ADRA1A: variants seen among roughly 807,000 people sequenced by gnomAD.
The protein encoded by ADRA1A is alpha-1A adrenergic receptor.
A neutral mutation model predicts 29.6 loss-of-function variants in ADRA1A; 31 were observed. The ratio of observed to expected loss-of-function variants is 1.05; its 90% CI spans 0.79 to 1.41. The LOEUF is 1.41. Among genes scored for constraint, ADRA1A ranks in the 40% most tolerant of loss-of-function variants. The probability of loss-of-function intolerance (pLI) is 0.00; values close to 1 mark genes in which losing one functional copy is unlikely to be tolerated. For synonymous variants in ADRA1A, 311 were observed against 254.3 expected, an observed-to-expected ratio of 1.22 and a Z score of -2.12; for missense variants, 619 against 601.1, an observed-to-expected ratio of 1.03 and a Z score of -0.31.
At chr8:26,820,829 G>A (rs1810113939) in intron 2 of ADRA1A, among the ~76,000 whole-genome samples, 1 of 152,174 alleles carries the variant, frequency 6.6e-6, no homozygotes, top group Non-Finnish European at 1.5e-5. Context: ...ATATATGGTT[G>A]TAAGAAATAA....
chr8:26,858,081 C>T (rs748371319), intron 2 of ADRA1A, among the ~76,000 whole-genome samples: 6 of 152,234 alleles, frequency 3.9e-5, no homozygotes, highest in Non-Finnish European at 8.8e-5. Context: ...CCTCAAACAT[C>T]CAATCTTAAA....
intron 2 of ADRA1A, among the ~76,000 whole-genome samples, chr8:26,820,231 C>T (rs888084272): frequency 6.6e-6 from 1 of 152,266 alleles, no homozygotes; most frequent in Admixed American, 6.5e-5. Flanking sequence ...TTGAATTATA[C>T]TACATACCAA....
chr8:26,821,489 A>G lies in ADRA1A; in HGVS notation c.883+42598T>C, dbSNP rs967655470. Among the ~76,000 whole-genome samples, 3 of 152,124 alleles carry G rather than the reference A, an allele frequency of 2.0e-5. No homozygotes were observed. Among genetic ancestry groups the G allele is most frequent in the Non-Finnish European group, 2.9e-5 (2 of 68,018 alleles). ...TTCACCACGGAGATGGTGTTAAGCC[A>G]TTCATGAGGAAGCCAACTCCCTGAT... On this transcript the variant is annotated intron_variant, in intron 2 of 2. Transcript: ENST00000380573. This position sits in a 1 kb window ranked among gnomAD's most constrained non-coding sequence, Gnocchi z 5.6.
chr8:26,798,339 CG>C (rs1314192485), intron 2 of ADRA1A, among the ~76,000 whole-genome samples: 2 of 152,140 alleles, frequency 1.3e-5, no homozygotes, highest in East Asian at 3.9e-4. Context: ...ATTAGATGGG[CG>C]AGATTCTAAA....
rs749700097 is a variant in ADRA1A, at chr8:26,770,439, G to C, written c.1111C>G (p.His371Asp). 6.2e-7 allele frequency: 1 copy of C among 1,614,210 alleles called. No homozygotes were observed. The highest frequency in any genetic ancestry group is 8.5e-7 in the Non-Finnish European group (1 of 1,180,026). ...ACGGGGATGCGCACCATGTCCTTGT[G>C]TTGCCCTTCCACGGCCTGGCTGGGC... is the stretch of plus-strand genomic sequence containing the variant. Reference protein sequence around the residue: ...HPPSQAVEGQHKDMVRIPVGS... With the variant: ...HPPSQAVEGQDKDMVRIPVGS... Residue 371 changes from histidine to aspartate, a missense_variant, in exon 3 of 3, where the codon CAC (histidine) becomes GAC (aspartate). Transcript: ENST00000380573.
intron 2 of ADRA1A, among the ~76,000 whole-genome samples, chr8:26,846,795 A>G (rs572179316): frequency 2.6e-5 from 4 of 152,338 alleles, no homozygotes; most frequent in East Asian, 3.9e-4. Context: ...AATTATTCAC[A>G]ATAGCAAAGA....
At chr8:26,781,765 A>C (rs190666099) in intron 2 of ADRA1A, among the ~76,000 whole-genome samples, 3 of 152,334 alleles carry the variant, frequency 2.0e-5, no homozygotes, top group African/African-American at 4.8e-5. Flanking sequence ...TCCAAGGCCA[A>C]ACACCACACA....
chr8:26,841,074 G>A lies in ADRA1A; in HGVS notation c.883+23013C>T, dbSNP rs929891601. Among the ~76,000 whole-genome samples, 2 of 152,174 alleles carry A rather than the reference G, an allele frequency of 1.3e-5. No individual in the cohort carries two copies. Among genetic ancestry groups the A allele is most frequent in the Non-Finnish European group, 2.9e-5 (2 of 68,032 alleles). The stretch of plus-strand genomic sequence containing the variant: ...TCACTTACTTGCTGCATGATCCTGG[G>A]CCAGTTACTTAACCACCCTCTACCA... On this transcript the variant is annotated intron_variant, in intron 2 of 2. Coordinates refer to ENST00000380573, the MANE Select transcript of ADRA1A (RefSeq NM_000680.4). The surrounding 1 kb of genome is among the most constrained non-coding windows in gnomAD (Gnocchi z 4.4).
intron 2 of ADRA1A, among the ~76,000 whole-genome samples, chr8:26,833,667 T>C (rs1811145112): frequency 6.6e-6 from 1 of 152,236 alleles, no homozygotes; most frequent in Non-Finnish European, 1.5e-5. Flanking sequence ...TAGCACCATA[T>C]TGCTAAGGCA....
intron 2 of ADRA1A, among the ~76,000 whole-genome samples, chr8:26,757,679 G>A (rs1253428731): frequency 6.6e-6 from 1 of 152,194 alleles, no homozygotes; most frequent in Non-Finnish European, 1.5e-5. Context: ...CTCTGTTCAT[G>A]ATTGGGAATT....
downstream of ADRA1A, among the ~76,000 whole-genome samples, chr8:26,768,247 T>A: frequency 6.6e-6 from 1 of 152,212 alleles, no homozygotes; most frequent in East Asian, 1.9e-4. Context: ...GAAAAAGATG[T>A]TGAGGCCGCT....
chr8:26,853,485 A>G (rs1391003917), intron 2 of ADRA1A, among the ~76,000 whole-genome samples: 2 of 152,232 alleles, frequency 1.3e-5, no homozygotes, highest in African/African-American at 4.8e-5. Flanking sequence ...TGTATTATGC[A>G]ACCACAGCCA....
At position 26,805,987 on chromosome 8, in the gene ADRA1A, G is replaced by T. The variant is rs1316016149; in HGVS notation, c.884-35321C>A. Among the ~76,000 whole-genome samples the T allele has an allele frequency of 6.6e-6, 1 of 152,168 alleles. No homozygotes were observed. The highest frequency in any genetic ancestry group is 1.9e-4 in the East Asian group (1 of 5,190). Reference sequence around the variant, plus strand: ...CCACACCCACTCTGGAAAGCTGAGGGTTGTGGCTGGTTCTCCTTTTCTAGG... The same window carrying T: ...CCACACCCACTCTGGAAAGCTGAGGTTTGTGGCTGGTTCTCCTTTTCTAGG... On this transcript the variant is annotated intron_variant, in intron 2 of 2. Transcript: ENST00000380573. The surrounding 1 kb of genome is among the most constrained non-coding windows in gnomAD (Gnocchi z 4.8).
In ADRA1A at chr8:26,860,615, C is replaced by T. The variant is rs941642143; in HGVS notation, c.883+3472G>A. On this transcript the variant is annotated intron_variant, in intron 2 of 2. Transcript: ENST00000380573. The surrounding 1 kb of genome is among the most constrained non-coding windows in gnomAD (Gnocchi z 4.7). Reference sequence around the variant, plus strand: ...CCTTCTCTGAGGCTAAAACTGCCATCGTTCCCCATTCCTGACTCTCTCTTA... The same window carrying T: ...CCTTCTCTGAGGCTAAAACTGCCATTGTTCCCCATTCCTGACTCTCTCTTA... Among the ~76,000 whole-genome samples, 2 of 152,186 alleles carry T rather than the reference C, an allele frequency of 1.3e-5. No individual in the cohort carries two copies. The highest frequency in any genetic ancestry group is 2.4e-5 in the African/African-American group (1 of 41,438).
rs1585645801 is a variant in ADRA1A, at chr8:26,768,986, T to C, written c.*1163A>G. On this transcript the variant is annotated 3_prime_UTR_variant, in exon 3 of 3. Coordinates refer to ENST00000380573, the MANE Select transcript of ADRA1A (RefSeq NM_000680.4). ...TGCAAACTCCTGCGTTAGACAGTTC[T>C]TTGGTGATCCATCAGTATTGTCTGA... 1 of 985,470 alleles carries C rather than the reference T, an allele frequency of 1.0e-6. No homozygotes were observed. Among genetic ancestry groups the C allele is most frequent in the East Asian group, 1.1e-4 (1 of 8,822 alleles). The allele number at this position is 985,470 out of a possible 1,614,324, so 61.0% of individuals were successfully genotyped here.
chr8:26,855,776 C>T (rs975555533), intron 2 of ADRA1A, among the ~76,000 whole-genome samples: 18 of 152,062 alleles, frequency 1.2e-4, no homozygotes, highest in African/African-American at 4.3e-4. Flanking sequence ...ATTCAAATAG[C>T]GAAGAAATAG....
At chr8:26,819,921 T>C (rs1810034760) in intron 2 of ADRA1A, among the ~76,000 whole-genome samples, 1 of 152,144 alleles carries the variant, frequency 6.6e-6, no homozygotes, top group Non-Finnish European at 1.5e-5. Flanking sequence ...AGATATTGCA[T>C]GTAAGTGGTA....
At chr8:26,780,396 C>T (rs902692031) in intron 2 of ADRA1A, among the ~76,000 whole-genome samples, 10 of 152,168 alleles carry the variant, frequency 6.6e-5, no homozygotes, top group African/African-American at 1.9e-4. Context: ...TGTTAGTTCA[C>T]GAGGTGACTG....
Position 26,865,584 on chromosome 8 carries a change from G to C in ADRA1A, c.-615C>G. 2.0e-6 allele frequency: 2 copies of C among 988,770 alleles called. No individual in the cohort carries two copies. Among genetic ancestry groups the C allele is most frequent in the East Asian group, 2.3e-4 (2 of 8,826 alleles). 61.2% of individuals were successfully genotyped at this position (988,770 alleles called of 1,614,324 possible). On this transcript the variant is annotated 5_prime_UTR_variant, in exon 2 of 3. Transcript: ENST00000380573. This position sits in a 1 kb window ranked among gnomAD's most constrained non-coding sequence, Gnocchi z 7.6. ...GCTCTCTCCAGCTTCTAGGAGCACAGGTCAGGGGACGTAGGTGTGGAATAT... is the reference window on the plus strand; with the variant it reads ...GCTCTCTCCAGCTTCTAGGAGCACACGTCAGGGGACGTAGGTGTGGAATAT...
Sources: allele counts gnomAD v4.1 joint callset (sites outside exome capture counted in the v4.1 genomes callset), GRCh38; gene constraint gnomAD v4.1.1; non-coding constraint Gnocchi (gnomAD v3.1); transcripts MANE v1.5; gene names NCBI Gene and HGNC (gene_info 2026-07-23, HGNC 2026-07-21).